PFKFB3: variants seen among roughly 807,000 people sequenced by gnomAD.
PFKFB3 encodes the protein 6-phosphofructo-2-kinase/fructose-2,6-bisphosphatase 3.
Under a neutral mutation model 68.0 loss-of-function variants are expected in PFKFB3, and 33 were observed. The observed-to-expected ratio is 0.49, with a 90% CI of 0.37 to 0.65. PFKFB3 has a LOEUF of 0.65. Ranked by LOEUF, PFKFB3 falls within the 30% of genes least tolerant of loss-of-function variation. The pLI is 0.00. For missense variants in PFKFB3, 586 were observed against 712.2 expected (o/e 0.82, Z 2.02); for synonymous variants, 315 against 288.2 (o/e 1.09, Z -0.94).
At chr10:6,176,478 G>A (rs564291306) in intron 1 of PFKFB3, among the ~76,000 whole-genome samples, 27 of 152,230 alleles carry the variant, frequency 1.8e-4, no homozygotes, top group Non-Finnish European at 2.4e-4. Context: ...GCCCATCATC[G>A]CTCACTGCAA....
chr10:6,299,698 G>A, the PFKFB3 span, among the ~76,000 whole-genome samples: 34 of 152,230 alleles, frequency 2.2e-4, no homozygotes, highest in East Asian at 5.2e-3. Context: ...TACTCTTGGC[G>A]TCTCCTGGGC....
intron 1 of PFKFB3, among the ~76,000 whole-genome samples, chr10:6,146,822 A>C (rs1052549171): frequency 5.3e-5 from 8 of 152,242 alleles, no homozygotes; most frequent in Admixed American, 3.9e-4. Context: ...ACTGCCAACC[A>C]AGGTAAGCTT....
chr10:6,145,358 G>A (rs374936802), intron 1 of PFKFB3, among the ~76,000 whole-genome samples: 1 of 150,178 alleles, frequency 6.7e-6, no homozygotes, highest in Non-Finnish European at 1.5e-5. Context: ...CTCCAGACCC[G>A]CGCTACCTCC....
At chr10:6,267,676 C>T in the PFKFB3 span, among the ~76,000 whole-genome samples, 5 of 152,032 alleles carry the variant, frequency 3.3e-5, no homozygotes, top group South Asian at 2.1e-4. Flanking sequence ...AATTACTGGC[C>T]GGGTGCAGTG....
chr10:6,160,482 C>G (rs966877475), intron 1 of PFKFB3, among the ~76,000 whole-genome samples: 1 of 152,168 alleles, frequency 6.6e-6, no homozygotes, highest in African/African-American at 2.4e-5. Context: ...CTTTGGGAGG[C>G]TGAGGCAGGC....
chr10:6,206,819 ACGC>A (rs1843770270), intron 1 of PFKFB3, among the ~76,000 whole-genome samples: 2 of 45,398 alleles, frequency 4.4e-5, no homozygotes, highest in Non-Finnish European at 4.3e-5. Flanking sequence ...CCGGGCAGAG[ACGC>A]TCCTCACTTC....
intron 1 of PFKFB3, among the ~76,000 whole-genome samples, chr10:6,148,036 C>T (rs918138812): frequency 4.6e-5 from 7 of 152,172 alleles, no homozygotes; most frequent in African/African-American, 1.7e-4. Context: ...GGTTGTGTAC[C>T]ACGGCATTCA....
chr10:6,216,656 T>C, intron 4 of PFKFB3, 50 bp from the exon 5 acceptor site: 2 of 1,286,212 alleles, frequency 1.6e-6, no homozygotes, highest in East Asian at 4.6e-5. Context: ...GTAAACGTTG[T>C]TAAACTCAAA....
the PFKFB3 span, among the ~76,000 whole-genome samples, chr10:6,300,112 A>G: frequency 6.7e-6 from 1 of 149,976 alleles, no homozygotes; most frequent in Non-Finnish European, 1.5e-5. Context: ...ATGGTTTGGC[A>G]CTTACTGGTT....
At chr10:6,295,378 C>T in the PFKFB3 span, among the ~76,000 whole-genome samples, 8 of 152,120 alleles carry the variant, frequency 5.3e-5, no homozygotes, top group Middle Eastern at 3.4e-3. Flanking sequence ...CCCACCTCCA[C>T]GCCTGGCTAA....
At chr10:6,218,680 G>A (rs1844753889) in intron 6 of PFKFB3, among the ~76,000 whole-genome samples, 1 of 152,118 alleles carries the variant, frequency 6.6e-6, no homozygotes, top group Non-Finnish European at 1.5e-5. Flanking sequence ...TGATCTGCTT[G>A]CCTTGGCCTC....
chr10:6,221,300 C>T (rs540605082), intron 8 of PFKFB3, 81 bp from the exon 9 acceptor site: 13 of 1,545,740 alleles, frequency 8.4e-6, no homozygotes, highest in African/African-American at 2.7e-5. Flanking sequence ...CACAGCCCTA[C>T]GTGGGCTGCC....
At chr10:6,288,549 C>T in the PFKFB3 span, among the ~76,000 whole-genome samples, 3 of 151,870 alleles carry the variant, frequency 2.0e-5, no homozygotes, top group Admixed American at 1.3e-4. Context: ...TTTTTTATGG[C>T]TGCATAGTAT....
In PFKFB3 at chr10:6,208,371, C is replaced by CTTTTTTTTTTTT. The variant is rs35447462; in HGVS notation, c.76+5046_76+5057dup. On this transcript the variant is annotated intron_variant, in intron 1 of 14. Coordinates refer to ENST00000379775, the MANE Select transcript of PFKFB3 (RefSeq NM_004566.4). ...ACAGGTGTAAGCCAGGGTACCTGGC[C>CTTTTTTTTTTTT]TTTTTTTTTTTTTTTTTTTTTTGCC... Among the ~76,000 whole-genome samples the CTTTTTTTTTTTT allele has an allele frequency of 1.7e-3, 104 of 60,638 alleles. 15 individuals carry two copies. The highest frequency in any genetic ancestry group is 7.1e-3 in the South Asian group (9 of 1,264). The allele number at this position is 60,638 out of a possible 152,430, so 39.8% of individuals were successfully genotyped here. A position where few individuals can be genotyped will look rare whatever the true frequency, so the allele number is the denominator to read the frequency against.
the PFKFB3 span, among the ~76,000 whole-genome samples, chr10:6,278,401 G>A: frequency 2.0e-4 from 30 of 151,410 alleles, no homozygotes; most frequent in East Asian, 5.1e-3. Context: ...GCAGCCTCCC[G>A]AGTAGCTGGG....
chr10:6,183,601 C>CAAAAAAAAAA (rs773888395), intron 1 of PFKFB3, among the ~76,000 whole-genome samples: 1 of 127,850 alleles, frequency 7.8e-6, no homozygotes, highest in African/African-American at 3.1e-5. Flanking sequence ...CCAGCCTGGT[C>CAAAAAAAAAA]AAAAAAAAAA....
At chr10:6,146,674 T>A (rs997466746) in intron 1 of PFKFB3, among the ~76,000 whole-genome samples, 57 of 152,364 alleles carry the variant, frequency 3.7e-4, no homozygotes, top group African/African-American at 1.3e-3. Flanking sequence ...TCTGTTTACT[T>A]GTGCGCTCAG....
the PFKFB3 span, among the ~76,000 whole-genome samples, chr10:6,319,072 C>G: frequency 6.6e-6 from 1 of 152,114 alleles, no homozygotes; most frequent in Non-Finnish European, 1.5e-5. Flanking sequence ...TCTAAAAGTG[C>G]CTTATCTGTT....
chr10:6,233,236 G>A lies in PFKFB3; in HGVS notation c.*294G>A, dbSNP rs1385180274. 5.0e-6 allele frequency: 2 copies of A among 403,990 alleles called. No individual in the cohort carries two copies. The highest frequency in any genetic ancestry group is 9.1e-6 in the Non-Finnish European group (2 of 220,922). The allele number at this position is 403,990 out of a possible 1,614,324, so 25.0% of individuals were successfully genotyped here. A position where few individuals can be genotyped will look rare whatever the true frequency, so the allele number is the denominator to read the frequency against. ...CGGAGACCTTCACAAAGCCTTGGGA[G>A]GGTGATGAGTGCTGGTCCTGACAGG... is the stretch of plus-strand genomic sequence containing the variant. On this transcript the variant is annotated 3_prime_UTR_variant, in exon 15 of 15. Transcript: ENST00000379775.
Sources: allele counts gnomAD v4.1 joint callset (sites outside exome capture counted in the v4.1 genomes callset), GRCh38; gene constraint gnomAD v4.1.1; transcripts MANE v1.5; gene names NCBI Gene and HGNC (gene_info 2026-07-23, HGNC 2026-07-21).